The following TTC8 variants were observed in gnomAD, a reference collection of about 807,000 sequenced individuals.
The protein encoded by TTC8 is tetratricopeptide repeat domain 8, also known as tetratricopeptide repeat protein 8.
Under a neutral mutation model 72.5 loss-of-function variants are expected in TTC8, and 47 were observed. The observed-to-expected ratio is 0.65, with a 90% CI of 0.51 to 0.83. The LOEUF (loss-of-function observed/expected upper bound fraction) is 0.83. Ranked by LOEUF, TTC8 falls within the 40% of genes least tolerant of loss-of-function variation. TTC8 has a pLI of 0.00. For synonymous variants in TTC8, 199 were observed against 221.4 expected, an observed-to-expected ratio of 0.90 and a Z score of 0.90; for missense variants, 611 against 623.2, an observed-to-expected ratio of 0.98 and a Z score of 0.21.
At chr14:88,872,648 GA>G (rs1453776625) in intron 13 of TTC8, among the ~76,000 whole-genome samples, 196 bp downstream of exon 13, 8 of 152,150 alleles carry the variant, frequency 5.3e-5, no homozygotes, top group African/African-American at 1.9e-4. Flanking sequence ...GTCCAAAATA[GA>G]ATGTTTGATT....
intron 10 of TTC8, among the ~76,000 whole-genome samples, chr14:88,866,607 C>G (rs2094910930): frequency 6.6e-6 from 1 of 152,090 alleles, no homozygotes; most frequent in Admixed American, 6.6e-5. Flanking sequence ...GACTATACCG[C>G]CCCCCTTTTG....
intron 7 of TTC8, among the ~76,000 whole-genome samples, chr14:88,850,383 A>G (rs1163979428): frequency 2.0e-5 from 3 of 152,202 alleles, no homozygotes; most frequent in Non-Finnish European, 2.9e-5. Context: ...GGAGCTTGCC[A>G]GCCACTTAAA....
At chr14:88,864,014 A>G (rs776952691) in intron 10 of TTC8, among the ~76,000 whole-genome samples, 8 of 152,288 alleles carry the variant, frequency 5.3e-5, no homozygotes, top group Non-Finnish European at 8.8e-5. Flanking sequence ...GAACAGACAT[A>G]TCTCTGTTTT....
chr14:88,849,707 A>G (rs917458538), intron 7 of TTC8, among the ~76,000 whole-genome samples: 5 of 152,208 alleles, frequency 3.3e-5, no homozygotes, highest in African/African-American at 1.2e-4. Flanking sequence ...GTTTATCTAC[A>G]GACTAATAGG....
chr14:88,829,776 C>A (rs2094717753), intron 1 of TTC8, among the ~76,000 whole-genome samples: 1 of 152,152 alleles, frequency 6.6e-6, no homozygotes, highest in Non-Finnish European at 1.5e-5. Flanking sequence ...CTGAAAATGA[C>A]TGGCTTAGAT....
At chr14:88,824,919 C>G in intron 1 of TTC8, 98 bp downstream of exon 1, 1 of 1,201,324 alleles carries the variant, frequency 8.3e-7, no homozygotes, top group Non-Finnish European at 1.2e-6. Flanking sequence ...GGAGGAAGGC[C>G]CGAGGCGGGG....
intron 14 of TTC8, 117 bp from the exon 15 acceptor site, chr14:88,877,177 G>A (rs1433574315): frequency 1.3e-6 from 1 of 771,440 alleles, no homozygotes; most frequent in South Asian, 1.6e-5. Context: ...AAAAAAAAAA[G>A]AAAAGAACCC....
intron 10 of TTC8, among the ~76,000 whole-genome samples, chr14:88,868,362 ACTT>A (rs952299199): frequency 4.6e-5 from 7 of 152,224 alleles, no homozygotes; most frequent in Non-Finnish European, 8.8e-5. Context: ...CATAAACAAA[ACTT>A]CTTCTCAGCA....
At chr14:88,840,387 A>G (rs2094774451) in intron 3 of TTC8, 1 of 161,020 alleles carries the variant, frequency 6.2e-6, no homozygotes, top group Admixed American at 6.0e-5. Context: ...AAATTGAGAA[A>G]AAAATACATA....
chr14:88,874,606 A>G (rs931191939), intron 13 of TTC8, among the ~76,000 whole-genome samples: 3 of 152,170 alleles, frequency 2.0e-5, no homozygotes, highest in South Asian at 2.1e-4. Context: ...TTGTTATTAC[A>G]TTAAAGAAAA....
Position 88,857,427 on chromosome 14 carries a change from A to G in TTC8, c.798+150A>G. Reference sequence around the variant, plus strand: ...ACTTGTTTTTCTTTACAGCAAGGGAAAAAATGAGAACGTATAGAGGGTAAC... The same window carrying G: ...ACTTGTTTTTCTTTACAGCAAGGGAGAAAATGAGAACGTATAGAGGGTAAC... On this transcript the variant is annotated intron_variant, in intron 9 of 14. Transcript: ENST00000380656. The G allele has an allele frequency of 4.1e-6, 3 of 726,456 alleles. No individual in the cohort carries two copies. The Admixed American group carries it at 6.2e-5, about 15-fold the overall frequency. 45.0% of individuals were successfully genotyped at this position (726,456 alleles called of 1,614,324 possible).
chr14:88,860,268 C>T (rs185926535), intron 9 of TTC8, among the ~76,000 whole-genome samples: 1 of 152,082 alleles, frequency 6.6e-6, no homozygotes, highest in East Asian at 1.9e-4. Context: ...TTTCTCAAAG[C>T]ACACCCTTAC....
At chr14:88,842,745 C>G (rs1162598169) in intron 6 of TTC8, among the ~76,000 whole-genome samples, 1 of 151,988 alleles carries the variant, frequency 6.6e-6, no homozygotes, top group Non-Finnish European at 1.5e-5. Flanking sequence ...AGAAATAATG[C>G]CAGGTTTTTC....
chr14:88,868,745 A>G (rs2094921445), intron 10 of TTC8, among the ~76,000 whole-genome samples: 1 of 152,218 alleles, frequency 6.6e-6, no homozygotes, highest in Admixed American at 6.5e-5. Context: ...GGTAATTATT[A>G]CTGGTTGTAG....
At position 88,875,115 on chromosome 14, in the gene TTC8, C is replaced by T. The variant is rs748901436; in HGVS notation, c.1431+6C>T. 3 of 1,602,290 alleles carry T rather than the reference C, an allele frequency of 1.9e-6. No homozygotes were observed. The highest frequency in any genetic ancestry group is 2.2e-5 in the East Asian group (1 of 44,670). ...TTGCAACAATCTCTGATAAGGTATTCTCTTTCTTCATTAATTTATCATCTG... is the reference window on the plus strand; with the variant it reads ...TTGCAACAATCTCTGATAAGGTATTTTCTTTCTTCATTAATTTATCATCTG... On this transcript the variant is annotated splice_donor_region_variant and intron_variant, in intron 14 of 14. Coordinates refer to ENST00000380656, the MANE Select transcript of TTC8 (RefSeq NM_144596.4).
intron 8 of TTC8, among the ~76,000 whole-genome samples, chr14:88,854,511 G>A (rs2094847633): frequency 6.6e-6 from 1 of 152,102 alleles, no homozygotes; most frequent in Non-Finnish European, 1.5e-5. Context: ...AATAATTACG[G>A]GTTAAGTATT....
Position 88,871,869 on chromosome 14 carries a change from T to C in TTC8, c.1224+146T>C. The stretch of plus-strand genomic sequence containing the variant: ...GAGTTTGAGACCACCCTGGGCAACA[T>C]AGTGGGACTCTGTCTCTACAAAAAA... On this transcript the variant is annotated intron_variant, in intron 12 of 14. Coordinates refer to ENST00000380656, the MANE Select transcript of TTC8 (RefSeq NM_144596.4). This position sits in a 1 kb window ranked among gnomAD's most constrained non-coding sequence, Gnocchi z 4.1. The C allele has an allele frequency of 7.9e-6, 7 of 881,056 alleles. No homozygotes were observed. Among genetic ancestry groups the C allele is most frequent in the Admixed American group, 2.0e-5 (1 of 49,536 alleles). The allele number at this position is 881,056 out of a possible 1,614,324, so 54.6% of individuals were successfully genotyped here. A position where few individuals can be genotyped will look rare whatever the true frequency, so the allele number is the denominator to read the frequency against.
intron 7 of TTC8, among the ~76,000 whole-genome samples, chr14:88,851,212 A>G (rs2140996384): frequency 6.6e-6 from 1 of 152,306 alleles, no homozygotes; most frequent in East Asian, 1.9e-4. Context: ...CTGCTTAGAA[A>G]GGATTTGGGG....
At chr14:88,846,945 G>A (rs926183532) in intron 7 of TTC8, 59 of 231,456 alleles carry the variant, frequency 2.5e-4, no homozygotes, top group African/African-American at 1.3e-3. Context: ...AGCAAACTTA[G>A]AACATATCCA....
Sources: allele counts gnomAD v4.1 joint callset (sites outside exome capture counted in the v4.1 genomes callset), GRCh38; gene constraint gnomAD v4.1.1; non-coding constraint Gnocchi (gnomAD v3.1); transcripts MANE v1.5; gene names NCBI Gene and HGNC (gene_info 2026-07-23, HGNC 2026-07-21).